BEST3: variants seen among roughly 807,000 people sequenced by gnomAD.
The protein encoded by BEST3 is bestrophin-3.
BEST3 carries 50 observed loss-of-function variants against 47.1 expected under a neutral mutation model. The observed-to-expected ratio is 1.06, with a 90% CI of 0.85 to 1.34. The LOEUF is 1.34. BEST3 is among the 40% of genes most tolerant of loss of function. BEST3 has a pLI of 0.00. For missense variants in BEST3, 765 were observed against 817.0 expected, an observed-to-expected ratio of 0.94 and a Z score of 0.78; for synonymous variants, 282 against 298.8, an observed-to-expected ratio of 0.94 and a Z score of 0.58.
intron 9 of BEST3, chr12:69,670,237 C>T: frequency 1.9e-6 from 1 of 517,198 alleles, no homozygotes; most frequent in East Asian, 3.1e-5. Context: ...TCCATGGAAA[C>T]TGAGAATACA....
intron 9 of BEST3, chr12:69,661,490 A>G (rs1401618463): frequency 6.6e-6 from 1 of 152,230 alleles, no homozygotes; most frequent in African/African-American, 2.4e-5. Flanking sequence ...CTGAGAATCT[A>G]TCAGGGCAGA....
At chr12:69,689,069 C>A (rs1174011135) in intron 4 of BEST3, 1 of 985,384 alleles carries the variant, frequency 1.0e-6, no homozygotes, top group Non-Finnish European at 1.2e-6. Context: ...GCTTTACTTA[C>A]CAGTCCTCTC....
chr12:69,689,207 G>A (rs1357655265), intron 4 of BEST3: 9 of 985,350 alleles, frequency 9.1e-6, no homozygotes, highest in Middle Eastern at 5.2e-4. Context: ...AGAGAGTGGC[G>A]GAGGCATATG....
chr12:69,694,927 G>T (rs1886076796), intron 2 of BEST3, among the ~76,000 whole-genome samples: 1 of 152,012 alleles, frequency 6.6e-6, no homozygotes, highest in African/African-American at 2.4e-5. Context: ...GCACATTCTT[G>T]ATTATCATGT....
At chr12:69,674,624 A>G (rs971470024) in intron 7 of BEST3, among the ~76,000 whole-genome samples, 21 of 152,180 alleles carry the variant, frequency 1.4e-4, no homozygotes, top group African/African-American at 4.6e-4. Context: ...TATTCCATCC[A>G]GATTTTCATT....
At chr12:69,687,793 G>C (rs557629851) in intron 4 of BEST3, among the ~76,000 whole-genome samples, 36 of 152,236 alleles carry the variant, frequency 2.4e-4, no homozygotes, top group Non-Finnish European at 4.3e-4. Context: ...TTTAGAGAGA[G>C]AGAATTGCAA....
chr12:69,646,473 A>G (rs1883040688), intron 9 of BEST3, among the ~76,000 whole-genome samples: 1 of 151,400 alleles, frequency 6.6e-6, no homozygotes, highest in Admixed American at 6.6e-5. Flanking sequence ...ATGGTCAGAC[A>G]CTTTTCTAAT....
chr12:69,643,795 G>A (rs1882948772), intron 9 of BEST3: 1 of 709,908 alleles, frequency 1.4e-6, no homozygotes, highest in African/African-American at 1.8e-5. Context: ...TTCCTGGGGA[G>A]AAGGGGAGAA....
intron 9 of BEST3, chr12:69,659,974 G>A (rs182728044): frequency 1.3e-5 from 2 of 152,084 alleles, no homozygotes; most frequent in East Asian, 3.9e-4. Flanking sequence ...AGTGTCATGC[G>A]GCCATCAGTT....
Position 69,678,899 on chromosome 12 carries a change from C to T in BEST3, c.482-6G>A. On this transcript the variant is annotated splice_polypyrimidine_tract_variant and splice_region_variant and intron_variant, in intron 4 of 9. Transcript: ENST00000330891. ...TTCATCTGTTGTCATAAAACCTTTA[C>T]AAAAAAATAAAAATCGGTAGGTATA... is the stretch of plus-strand genomic sequence containing the variant. The T allele has an allele frequency of 1.9e-6, 3 of 1,605,384 alleles. No individual in the cohort carries two copies.
intron 7 of BEST3, among the ~76,000 whole-genome samples, chr12:69,674,275 G>C (rs942808883): frequency 1.3e-5 from 2 of 152,116 alleles, no homozygotes; most frequent in African/African-American, 4.8e-5. Context: ...TTAATACTTA[G>C]AGCAGTGTTT....
At chr12:69,691,881 T>C (rs1885939496) in intron 4 of BEST3, among the ~76,000 whole-genome samples, 1 of 152,224 alleles carries the variant, frequency 6.6e-6, no homozygotes, top group Admixed American at 6.5e-5. Flanking sequence ...CTGCTGCAAC[T>C]TGAAGACTAA....
chr12:69,656,182 C>A (rs1390855968), intron 9 of BEST3, among the ~76,000 whole-genome samples: 1 of 152,122 alleles, frequency 6.6e-6, no homozygotes, highest in Non-Finnish European at 1.5e-5. Flanking sequence ...TTCCACTGGA[C>A]ACTCTTGACA....
At chr12:69,684,680 A>G in intron 4 of BEST3, 1 of 560,758 alleles carries the variant, frequency 1.8e-6, no homozygotes, top group Non-Finnish European at 3.5e-6. Context: ...GGAAGAGTGC[A>G]ACGTGCCTGG....
chr12:69,647,616 A>G (rs1182840753), intron 9 of BEST3, among the ~76,000 whole-genome samples: 1 of 152,238 alleles, frequency 6.6e-6, no homozygotes, highest in Non-Finnish European at 1.5e-5. Flanking sequence ...CTATGGAGAA[A>G]AAAACAACAA....
At chr12:69,645,482 G>A (rs1211890496) in intron 9 of BEST3, among the ~76,000 whole-genome samples, 1 of 152,188 alleles carries the variant, frequency 6.6e-6, no homozygotes, top group Non-Finnish European at 1.5e-5. Flanking sequence ...CAAAGGGTAA[G>A]TCGGCAGAGG....
At chr12:69,655,840 G>A in intron 9 of BEST3, 27 bp from the exon 10 acceptor site, 1 of 1,572,704 alleles carries the variant, frequency 6.4e-7, no homozygotes, top group Non-Finnish European at 8.6e-7. Context: ...CAAGATCCAG[G>A]CAGAGTAGCT....
Position 69,648,373 on chromosome 12 carries a change from A to G in BEST3, c.1101-4586T>C, listed in dbSNP as rs530443515. Among the ~76,000 whole-genome samples the G allele has an allele frequency of 2.0e-5, 3 of 152,330 alleles. No homozygotes were observed. The South Asian group carries it at 6.2e-4, about 32-fold the overall frequency. On this transcript the variant is annotated intron_variant, in intron 9 of 9. Coordinates refer to the BEST3 transcript ENST00000331471. ...GGGGGGATCTGAAAAACATAGTACT[A>G]AGTGAAAAATAAACAGATGAGACCT... is the stretch of plus-strand genomic sequence containing the variant.
intron 9 of BEST3, among the ~76,000 whole-genome samples, chr12:69,668,621 C>G (rs527689011): frequency 4.6e-5 from 7 of 152,288 alleles, no homozygotes; most frequent in Non-Finnish European, 7.3e-5. Flanking sequence ...TTTGCTAGCC[C>G]AGCGAAACCA....
Sources: gnomAD v4.1 joint callset for allele counts (sites outside exome capture counted in the v4.1 genomes callset) on GRCh38, gnomAD v4.1.1 for gene constraint, MANE v1.5 for transcripts, NCBI Gene and HGNC (gene_info 2026-07-23, HGNC 2026-07-21) for gene names.